Variants in NUP155 observed in about 807,000 individuals in gnomAD.
The protein encoded by NUP155 is nuclear pore complex protein Nup155.
Under a neutral mutation model 180.4 loss-of-function variants are expected in NUP155, and 71 were observed. That is an observed-to-expected ratio of 0.39 (90% CI 0.33 to 0.48). NUP155 has a LOEUF of 0.48. Among genes scored for constraint, NUP155 ranks in the 20% least tolerant of loss-of-function variants. NUP155 has a pLI of 0.91. For missense variants in NUP155, 1,553 were observed against 1,648.9 expected (o/e 0.94, Z 1.01); for synonymous variants, 582 against 559.5 (o/e 1.04, Z -0.57).
intron 12 of NUP155, among the ~76,000 whole-genome samples, chr5:37,337,441 A>G (rs961736016): frequency 2.0e-5 from 3 of 152,204 alleles, no homozygotes; most frequent in African/African-American, 7.2e-5. Context: ...TCACAACTGT[A>G]ATAGATGGCC....
Position 37,331,673 on chromosome 5 carries a change from AT to A in NUP155, c.1629+11del. 1 of 1,451,056 alleles carries A rather than the reference AT, an allele frequency of 6.9e-7. No homozygotes were observed. Among genetic ancestry groups the A allele is most frequent in the Non-Finnish European group, 9.6e-7 (1 of 1,038,274 alleles). The allele number at this position is 1,451,056 out of a possible 1,614,324, so 89.9% of individuals were successfully genotyped here. A position where few individuals can be genotyped will look rare whatever the true frequency, so the allele number is the denominator to read the frequency against. On this transcript the variant is annotated intron_variant, in intron 14 of 34. Coordinates refer to ENST00000231498, the MANE Select transcript of NUP155 (RefSeq NM_153485.3). ...AAATAGCATCACATTTTTTAAAAGT[AT>A]ATATAATTACCTGATGTAATTTAAA...
At chr5:37,325,666 G>A (rs1744546865) in intron 19 of NUP155, among the ~76,000 whole-genome samples, 3 of 151,426 alleles carry the variant, frequency 2.0e-5, no homozygotes, top group Non-Finnish European at 2.9e-5. Context: ...GTACTCAGGA[G>A]GCTGAGGTGG....
chr5:37,347,101 G>T (rs1031682308), intron 9 of NUP155, among the ~76,000 whole-genome samples: 15 of 152,128 alleles, frequency 9.9e-5, no homozygotes, highest in African/African-American at 3.6e-4. Context: ...GGTGGCATGT[G>T]CCTGTAGTCC....
chr5:37,355,486 G>A (rs959660718), intron 4 of NUP155, among the ~76,000 whole-genome samples: 9 of 151,656 alleles, frequency 5.9e-5, no homozygotes, highest in African/African-American at 2.2e-4. Context: ...CTCCAGCCTG[G>A]GTGACAGTGA....
At chr5:37,299,748 G>C (rs1053257422) in intron 30 of NUP155, among the ~76,000 whole-genome samples, 180 bp from the exon 31 acceptor site, 1 of 152,006 alleles carries the variant, frequency 6.6e-6, no homozygotes, top group African/African-American at 2.4e-5. Flanking sequence ...AAAGTTAAGG[G>C]TATGGGCCGG....
intron 1 of NUP155, among the ~76,000 whole-genome samples, chr5:37,365,752 T>TATATATATACAC (rs1403169370): frequency 1.6e-4 from 6 of 37,890 alleles, no homozygotes; most frequent in East Asian, 7.5e-4. Flanking sequence ...TATATATATA[T>TATATATATACAC]ACACACACAC....
intron 19 of NUP155, 90 bp from the exon 20 acceptor site, chr5:37,324,197 C>T: frequency 1.3e-6 from 1 of 792,484 alleles, no homozygotes; most frequent in Non-Finnish European, 2.2e-6. Context: ...ATGAGTATCT[C>T]TATAGTTATT....
chr5:37,302,990 T>G (rs2150942772), intron 28 of NUP155, 82 bp from the exon 29 acceptor site: 2 of 1,435,674 alleles, frequency 1.4e-6, no homozygotes, highest in Non-Finnish European at 9.8e-7. Flanking sequence ...ATGTACTGTT[T>G]CATACCAAAC....
Position 37,298,964 on chromosome 5 carries a change from C to T in NUP155, c.3697G>A (p.Val1233Met). ...ATTCTATCCGAGGAGCTCAATGTCA[C>T]ACTGTCACTCAATTCTGTAACAAAA... Reference protein sequence around the residue: ...DIIEKELSDSVTLSSSDRMHA... With the variant: ...DIIEKELSDSMTLSSSDRMHA... Residue 1233 changes from valine (V) to methionine (M), a missense_variant, in exon 32 of 35, where the codon GTG (valine) becomes ATG (methionine). Val to Met is a conservative substitution (Grantham distance 21, BLOSUM62 1). Coordinates refer to ENST00000231498, the MANE Select transcript of NUP155 (RefSeq NM_153485.3). 6.2e-7 allele frequency: 1 copy of T among 1,602,144 alleles called. No homozygotes were observed. The highest frequency in any genetic ancestry group is 8.6e-7 in the Non-Finnish European group (1 of 1,169,208).
At chr5:37,356,368 C>T (rs1746832824) in intron 4 of NUP155, among the ~76,000 whole-genome samples, 1 of 151,776 alleles carries the variant, frequency 6.6e-6, no homozygotes, top group South Asian at 2.1e-4. Flanking sequence ...ATGGCCAGGG[C>T]ATGGCAGCTC....
rs1442702256 is a variant in NUP155 at position 37,330,093 on chromosome 5, A to C, written c.1669T>G (p.Ser557Ala). The change falls in exon 15 of 35, where the codon TCC (serine) becomes GCC (alanine). Residue 557 changes from serine (S) to alanine (A), a missense_variant. Physicochemically the swap from Ser to Ala is moderately conservative, Grantham distance 99. Coordinates refer to ENST00000231498, the MANE Select transcript of NUP155 (RefSeq NM_153485.3). Reference protein sequence around the residue: ...ACATCLILACSTAACDREVSA... With the variant: ...ACATCLILACATAACDREVSA... Reference sequence around the variant, plus strand: ...ACTTCTCTATCACAGGCAGCAGTGGAGCAAGCAAGAATAAGGCAAGTTGCA... The same window carrying C: ...ACTTCTCTATCACAGGCAGCAGTGGCGCAAGCAAGAATAAGGCAAGTTGCA... 6.2e-7 allele frequency: 1 copy of C among 1,613,780 alleles called. No homozygotes were observed. The highest frequency in any genetic ancestry group is 1.3e-5 in the African/African-American group (1 of 75,060).
chr5:37,320,823 G>C (rs1166504741), intron 20 of NUP155, among the ~76,000 whole-genome samples: 1 of 152,124 alleles, frequency 6.6e-6, no homozygotes, highest in Non-Finnish European at 1.5e-5. Flanking sequence ...GGAGAGGGAT[G>C]GCAGTAGAAG....
chr5:37,357,055 G>A (rs138375396), intron 4 of NUP155, among the ~76,000 whole-genome samples: 10 of 152,100 alleles, frequency 6.6e-5, no homozygotes, highest in African/African-American at 9.6e-5. Context: ...TGCTGTGAGC[G>A]GAGATCACGC....
At chr5:37,364,117 T>C in intron 2 of NUP155, 130 bp downstream of exon 2, 1 of 1,078,594 alleles carries the variant, frequency 9.3e-7, no homozygotes, top group Non-Finnish European at 1.4e-6. Flanking sequence ...GGAACCCATA[T>C]ACTTAAACGA....
chr5:37,308,608 T>C (rs1743317787), intron 24 of NUP155, among the ~76,000 whole-genome samples: 1 of 151,786 alleles, frequency 6.6e-6, no homozygotes, highest in South Asian at 2.1e-4. Flanking sequence ...TGAGGCAGAA[T>C]GGCGTGAACC....
chr5:37,303,140 T>G, intron 28 of NUP155, 120 bp downstream of exon 28: 1 of 1,163,694 alleles, frequency 8.6e-7, no homozygotes, highest in Non-Finnish European at 1.2e-6. Context: ...TAACATCCTA[T>G]TTAAAAAATT....
rs1037871593 is a variant in NUP155, at chr5:37,327,833, CTCTTAA to C, written c.1877-63_1877-58del. On this transcript the variant is annotated intron_variant, in intron 17 of 34. Coordinates refer to ENST00000231498, the MANE Select transcript of NUP155 (RefSeq NM_153485.3). ...AATCTTAATCTTAGAACCCATAAAT[CTCTTAA>C]TCTTAATCTTAGAACCCATAAATCT... The C allele has an allele frequency of 4.5e-5, 71 of 1,573,634 alleles. No individual in the cohort carries two copies. In the African/African-American group the frequency reaches 5.9e-4, roughly 13 times the overall value.
chr5:37,363,815 T>G, intron 3 of NUP155, 73 bp downstream of exon 3: 86 of 994,002 alleles, frequency 8.7e-5, no homozygotes, highest in Non-Finnish European at 1.3e-4. Flanking sequence ...CAGCTTCTAA[T>G]GAGAACACTA....
intron 3 of NUP155, among the ~76,000 whole-genome samples, chr5:37,361,468 A>G (rs1030889604): frequency 1.3e-5 from 2 of 152,166 alleles, no homozygotes; most frequent in African/African-American, 2.4e-5. Context: ...CATCCTGAAA[A>G]GGCCATCCAC....
Sources: allele counts gnomAD v4.1 joint callset (sites outside exome capture counted in the v4.1 genomes callset), GRCh38; gene constraint gnomAD v4.1.1; transcripts MANE v1.5; gene names NCBI Gene and HGNC (gene_info 2026-07-23, HGNC 2026-07-21).